LHFPL6: variants seen among roughly 807,000 people sequenced by gnomAD.
LHFPL6 encodes the protein LHFPL tetraspan subfamily member 6 protein.
LHFPL6 carries 9 observed loss-of-function variants against 20.6 expected under a neutral mutation model. The observed-to-expected ratio is 0.44, with a 90% CI of 0.26 to 0.76. The LOEUF is 0.76. LHFPL6 is among the 30% of genes least tolerant of loss of function. LHFPL6 has a pLI of 0.20. For synonymous variants in LHFPL6, 105 were observed against 98.7 expected (o/e 1.06, Z -0.38); for missense variants, 218 against 253.5 (o/e 0.86, Z 0.95).
At chr13:39,585,134 C>T (rs1872408716) in intron 2 of LHFPL6, among the ~76,000 whole-genome samples, 1 of 152,288 alleles carries the variant, frequency 6.6e-6, no homozygotes, top group African/African-American at 2.4e-5. Context: ...ACAGGATAAT[C>T]TCATCATAAG....
At chr13:39,545,627 T>A (rs1293409184) in intron 2 of LHFPL6, among the ~76,000 whole-genome samples, 1 of 152,116 alleles carries the variant, frequency 6.6e-6, no homozygotes, top group African/African-American at 2.4e-5. Flanking sequence ...AATCTGGGGA[T>A]GTTGAAGTCC....
chr13:39,508,603 C>A (rs1334782341), intron 2 of LHFPL6, among the ~76,000 whole-genome samples: 1 of 151,996 alleles, frequency 6.6e-6, no homozygotes, highest in Non-Finnish European at 1.5e-5. Flanking sequence ...TTTTGTTTTG[C>A]TTCTTTCACT....
At chr13:39,391,448 A>G (rs1293041507) in intron 2 of LHFPL6, among the ~76,000 whole-genome samples, 7 of 152,136 alleles carry the variant, frequency 4.6e-5, no homozygotes, top group Non-Finnish European at 1.0e-4. Context: ...CATATCATAG[A>G]GCTCTATGTT....
At chr13:39,435,968 G>C (rs973879439) in intron 2 of LHFPL6, among the ~76,000 whole-genome samples, 5 of 151,588 alleles carry the variant, frequency 3.3e-5, no homozygotes, top group Non-Finnish European at 5.9e-5. Context: ...CTATTCTTTT[G>C]TTCTGGAAAA....
At chr13:39,503,108 G>A (rs1007518271) in intron 2 of LHFPL6, among the ~76,000 whole-genome samples, 1 of 152,112 alleles carries the variant, frequency 6.6e-6, no homozygotes, top group Non-Finnish European at 1.5e-5. Context: ...CCTATGCCCA[G>A]AACTCTGGGT....
chr13:39,474,065 T>A (rs1873017402), intron 2 of LHFPL6, among the ~76,000 whole-genome samples: 1 of 152,212 alleles, frequency 6.6e-6, no homozygotes, highest in South Asian at 2.1e-4. Flanking sequence ...GCTGGGTGGT[T>A]TATCTTCCTA....
intron 1 of LHFPL6, among the ~76,000 whole-genome samples, chr13:39,602,484 C>A (rs942297953): frequency 6.6e-6 from 1 of 152,162 alleles, no homozygotes; most frequent in East Asian, 1.9e-4. Flanking sequence ...GGCCACGAGG[C>A]TGGGGAAGAC....
At chr13:39,514,189 C>A (rs888668524) in intron 2 of LHFPL6, among the ~76,000 whole-genome samples, 2 of 152,082 alleles carry the variant, frequency 1.3e-5, no homozygotes, top group Non-Finnish European at 2.9e-5. Flanking sequence ...TCAGAAGGGA[C>A]TAAAGTCTCT....
intron 2 of LHFPL6, 90 bp downstream of exon 2, chr13:39,600,742 T>C (rs759483003): frequency 2.7e-4 from 354 of 1,296,834 alleles, no homozygotes; most frequent in Non-Finnish European, 3.4e-4. Context: ...CCAGGTGTCA[T>C]TTATAATAAT....
intron 2 of LHFPL6, among the ~76,000 whole-genome samples, chr13:39,554,849 T>TAGTCA: frequency 6.6e-6 from 1 of 152,344 alleles, no homozygotes; most frequent in Admixed American, 6.5e-5. Context: ...AACCTCTACT[T>TAGTCA]AGTCAAGTAC....
chr13:39,598,363 T>A (rs1216843899), intron 2 of LHFPL6, among the ~76,000 whole-genome samples: 1 of 152,134 alleles, frequency 6.6e-6, no homozygotes, highest in Non-Finnish European at 1.5e-5. Context: ...TTTTCCATAT[T>A]TCAAGTTATT....
chr13:39,515,792 G>A (rs1355034948), intron 2 of LHFPL6, among the ~76,000 whole-genome samples: 1 of 152,016 alleles, frequency 6.6e-6, no homozygotes, highest in Non-Finnish European at 1.5e-5. Flanking sequence ...TACAGGAATT[G>A]CTTAAAATAA....
At chr13:39,397,242 G>A (rs181677079) in intron 2 of LHFPL6, among the ~76,000 whole-genome samples, 1 of 152,024 alleles carries the variant, frequency 6.6e-6, no homozygotes, top group African/African-American at 2.4e-5. Context: ...ATGGCCCCAA[G>A]AAGAGACATA....
intron 2 of LHFPL6, among the ~76,000 whole-genome samples, chr13:39,493,144 T>C (rs890354994): frequency 2.0e-5 from 3 of 151,738 alleles, no homozygotes; most frequent in Admixed American, 2.0e-4. Flanking sequence ...ACTTATAGCA[T>C]TGACCTAGGA....
intron 2 of LHFPL6, among the ~76,000 whole-genome samples, chr13:39,459,418 G>A (rs1169578418): frequency 1.3e-5 from 2 of 151,040 alleles, no homozygotes; most frequent in Admixed American, 1.3e-4. Context: ...CTGAGAACAT[G>A]CTGCAGGCTG....
intron 3 of LHFPL6, among the ~76,000 whole-genome samples, chr13:39,358,043 A>G (rs1869774258): frequency 6.6e-6 from 1 of 152,168 alleles, no homozygotes; most frequent in African/African-American, 2.4e-5. Flanking sequence ...ATTAGAAAAA[A>G]AATTCTAAAA....
chr13:39,580,711 T>C (rs1446519040), intron 2 of LHFPL6, among the ~76,000 whole-genome samples: 3 of 152,216 alleles, frequency 2.0e-5, no homozygotes, highest in Non-Finnish European at 4.4e-5. Flanking sequence ...TGATATTAGG[T>C]AACTTACATG....
intron 2 of LHFPL6, among the ~76,000 whole-genome samples, chr13:39,537,688 A>G (rs994944647): frequency 6.6e-6 from 1 of 152,144 alleles, no homozygotes; most frequent in African/African-American, 2.4e-5. Context: ...CCTCTACTTA[A>G]AAGGAAAGAA....
At chr13:39,468,430 T>C (rs1484907324) in intron 2 of LHFPL6, among the ~76,000 whole-genome samples, 1 of 152,088 alleles carries the variant, frequency 6.6e-6, no homozygotes, top group Non-Finnish European at 1.5e-5. Context: ...TGCTTTGATA[T>C]CCTTGGTGCT....
Sources: gnomAD v4.1 joint callset for allele counts (sites outside exome capture counted in the v4.1 genomes callset) on GRCh38, gnomAD v4.1.1 for gene constraint, MANE v1.5 for transcripts, NCBI Gene and HGNC (gene_info 2026-07-23, HGNC 2026-07-21) for gene names.